The following KLF12 variants were observed in gnomAD, a reference collection of about 807,000 sequenced individuals.
KLF12 encodes KLF transcription factor 12.
In KLF12, 9 loss-of-function variants were observed where a neutral mutation model predicts 37.8. The observed-to-expected ratio is 0.24, with a 90% confidence interval of 0.14 to 0.42. KLF12 has a LOEUF of 0.42. KLF12 is among the 10% of genes least tolerant of loss of function. The probability of loss-of-function intolerance (pLI) is 1.00; values close to 1 mark genes in which losing one functional copy is unlikely to be tolerated. For missense variants in KLF12, 411 were observed against 516.0 expected, an observed-to-expected ratio of 0.80 and a Z score of 1.97; for synonymous variants, 208 against 202.1, an observed-to-expected ratio of 1.03 and a Z score of -0.25.
upstream of KLF12, among the ~76,000 whole-genome samples, chr13:74,135,569 G>A (rs2139050361): frequency 6.6e-6 from 1 of 151,308 alleles, no homozygotes; most frequent in Admixed American, 6.6e-5. Flanking sequence ...CGGCGGGGGC[G>A]GGGAGCAGAC....
chr13:74,102,951 A>G (rs924533097), intron 1 of KLF12, among the ~76,000 whole-genome samples: 3 of 152,234 alleles, frequency 2.0e-5, no homozygotes, highest in Admixed American at 6.5e-5. Context: ...TGGTTGTGTC[A>G]TATCAACATG....
intron 2 of KLF12, among the ~76,000 whole-genome samples, chr13:73,963,011 T>C (rs867824974): frequency 2.0e-5 from 3 of 152,212 alleles, no homozygotes; most frequent in East Asian, 1.9e-4. Flanking sequence ...CATTACTTTT[T>C]AGCATTTTGT....
intron 3 of KLF12, among the ~76,000 whole-genome samples, chr13:73,870,714 T>G (rs1200641669): frequency 6.6e-6 from 1 of 152,148 alleles, no homozygotes; most frequent in Admixed American, 6.5e-5. Context: ...GAAATTGGGG[T>G]GGAGGGATAA....
At chr13:74,160,671 A>G in the KLF12 span, among the ~76,000 whole-genome samples, 1 of 152,172 alleles carries the variant, frequency 6.6e-6, no homozygotes, top group African/African-American at 2.4e-5. Context: ...TCCTTAAGAA[A>G]CTTAAAAGCA....
At chr13:73,873,425 A>C (rs955929359) in intron 3 of KLF12, among the ~76,000 whole-genome samples, 1 of 152,194 alleles carries the variant, frequency 6.6e-6, no homozygotes, top group Admixed American at 6.5e-5. Context: ...AATCTGGTTC[A>C]TCAATTTTTT....
the KLF12 span, among the ~76,000 whole-genome samples, chr13:74,304,623 C>T: frequency 6.6e-6 from 1 of 151,870 alleles, no homozygotes; most frequent in African/African-American, 2.4e-5. Context: ...AACTGTGGAA[C>T]AAAGAAAGGA....
chr13:74,113,829 T>A (rs1023086263), intron 1 of KLF12, among the ~76,000 whole-genome samples: 6 of 152,148 alleles, frequency 3.9e-5, no homozygotes, highest in African/African-American at 1.4e-4. Flanking sequence ...CTGGGCAAAG[T>A]AAATTGAAAA....
intron 3 of KLF12, among the ~76,000 whole-genome samples, chr13:73,896,250 T>C (rs190091534): frequency 8.9e-4 from 135 of 152,356 alleles, no homozygotes; most frequent in Non-Finnish European, 1.7e-3. Flanking sequence ...GGCTCTTTCA[T>C]GTTCATGATG....
At chr13:73,974,485 C>A (rs1197322415) in intron 2 of KLF12, among the ~76,000 whole-genome samples, 1 of 152,098 alleles carries the variant, frequency 6.6e-6, no homozygotes, top group African/African-American at 2.4e-5. Flanking sequence ...AGGCCAAATA[C>A]CTTTTGACTA....
chr13:73,821,173 C>T (rs1288100582), intron 4 of KLF12, among the ~76,000 whole-genome samples: 1 of 152,186 alleles, frequency 6.6e-6, no homozygotes, highest in Non-Finnish European at 1.5e-5. Context: ...CTGTATACCC[C>T]TAAGTGTTAG....
At chr13:73,783,743 A>C (rs1304742208) in intron 5 of KLF12, among the ~76,000 whole-genome samples, 1 of 152,152 alleles carries the variant, frequency 6.6e-6, no homozygotes, top group Non-Finnish European at 1.5e-5. Flanking sequence ...AAGAGTATGC[A>C]ATTTGGAAAT....
the KLF12 span, among the ~76,000 whole-genome samples, chr13:74,152,222 A>G: frequency 6.6e-6 from 1 of 152,224 alleles, no homozygotes. Context: ...TGATTTCTCA[A>G]TACAGGCTGG....
At chr13:74,030,701 A>G (rs1281759327) in intron 1 of KLF12, among the ~76,000 whole-genome samples, 1 of 152,172 alleles carries the variant, frequency 6.6e-6, no homozygotes, top group Non-Finnish European at 1.5e-5. Context: ...ATATGTTAAT[A>G]CAAGCCACAA....
chr13:73,987,710 G>GA (rs1372366862), intron 2 of KLF12, among the ~76,000 whole-genome samples: 2 of 135,366 alleles, frequency 1.5e-5, no homozygotes, highest in Non-Finnish European at 3.2e-5. Flanking sequence ...AGAGGAGAGA[G>GA]AAAGTGGGGG....
intron 4 of KLF12, among the ~76,000 whole-genome samples, chr13:73,822,107 C>A (rs1883560562): frequency 6.6e-6 from 1 of 152,148 alleles, no homozygotes; most frequent in Non-Finnish European, 1.5e-5. Context: ...CAGTAATTCC[C>A]AGCTGATGAG....
chr13:73,744,388 G>A (rs1364191315), intron 6 of KLF12, among the ~76,000 whole-genome samples: 2 of 152,288 alleles, frequency 1.3e-5, no homozygotes, highest in East Asian at 3.9e-4. Context: ...TTTCTCATGA[G>A]GGCATGGATG....
At chr13:73,755,815 T>C (rs953026517) in intron 6 of KLF12, among the ~76,000 whole-genome samples, 6 of 152,004 alleles carry the variant, frequency 3.9e-5, no homozygotes, top group Admixed American at 2.6e-4. Context: ...TGCGTCCTCA[T>C]AGCTTAGCTG....
At chr13:73,699,342 T>C (rs994661736) in intron 7 of KLF12, among the ~76,000 whole-genome samples, 42 of 152,192 alleles carry the variant, frequency 2.8e-4, no homozygotes, top group African/African-American at 9.1e-4. Flanking sequence ...GCTATGATCA[T>C]GCAGCTGCAT....
At chr13:73,964,286 TAAGTAGGTCCATG>T (rs1278837644) in intron 2 of KLF12, among the ~76,000 whole-genome samples, 1 of 152,134 alleles carries the variant, frequency 6.6e-6, no homozygotes, top group Non-Finnish European at 1.5e-5. Context: ...CAAATATTAA[TAAGTAGGTCCATG>T]CAACAGTGAG....
Sources: gnomAD v4.1 joint callset for allele counts (sites outside exome capture counted in the v4.1 genomes callset) on GRCh38, gnomAD v4.1.1 for gene constraint, MANE v1.5 for transcripts, NCBI Gene and HGNC (gene_info 2026-07-23, HGNC 2026-07-21) for gene names.